Variants in FMN1 observed in about 807,000 individuals in gnomAD.
FMN1 encodes formin 1.
Under a neutral mutation model 132.4 loss-of-function variants are expected in FMN1, and 110 were observed. That is an observed-to-expected ratio of 0.83 (90% CI 0.71 to 0.97). FMN1 has a LOEUF of 0.97. FMN1 is among the 50% of genes least tolerant of loss of function. FMN1 has a pLI of 0.00. For synonymous variants in FMN1, 722 were observed against 651.7 expected, an observed-to-expected ratio of 1.11 and a Z score of -1.64; for missense variants, 1,792 against 1,705.3, an observed-to-expected ratio of 1.05 and a Z score of -0.90.
intron 4 of FMN1, among the ~76,000 whole-genome samples, chr15:33,118,962 A>G (rs370665207): frequency 2.0e-5 from 3 of 152,174 alleles, no homozygotes; most frequent in Non-Finnish European, 4.4e-5. Context: ...TTTGTTCAAC[A>G]TAATTGAATG....
intron 4 of FMN1, among the ~76,000 whole-genome samples, chr15:33,100,223 TAAAAA>T (rs61200336): frequency 4.3e-5 from 5 of 115,440 alleles, no homozygotes; most frequent in East Asian, 4.8e-4. Flanking sequence ...ACTTTCACAG[TAAAAA>T]AAAAAAAAAA....
At chr15:32,891,176 G>A (rs1403106741) in intron 15 of FMN1, among the ~76,000 whole-genome samples, 1 of 152,232 alleles carries the variant, frequency 6.6e-6, no homozygotes. Context: ...CAGGTAGTGT[G>A]ATGCCTCCAA....
Position 32,910,402 on chromosome 15 carries a change from TGAACAGCTCA to T in FMN1, c.3288+62_3288+71del, listed in dbSNP as rs1464530841. The T allele has an allele frequency of 2.4e-6, 3 of 1,254,100 alleles. No individual in the cohort carries two copies. In the East Asian group the frequency reaches 7.6e-5, roughly 32 times the overall value. The allele number at this position is 1,254,100 out of a possible 1,614,324, so 77.7% of individuals were successfully genotyped here. The stretch of plus-strand genomic sequence containing the variant: ...TCAAAACCCTTACTACCAAAGAACA[TGAACAGCTCA>T]GTCATTTCTCAGGTAGAAGATAAAT... On this transcript the variant is annotated intron_variant, in intron 11 of 20. Coordinates refer to ENST00000616417, the MANE Select transcript of FMN1 (RefSeq NM_001277313.2).
At position 32,990,340 on chromosome 15, in the gene FMN1, G is replaced by A. The variant is rs192136429; in HGVS notation, c.2223+17674C>T. ...GAAGAAGAAAAAAACTGCAGAATTC[G>A]CTGTCCCAGATGTTGAGGGAGGAGT... On this transcript the variant is annotated intron_variant, in intron 7 of 20. Coordinates refer to ENST00000616417, the MANE Select transcript of FMN1 (RefSeq NM_001277313.2). Among the ~76,000 whole-genome samples, 11 of 152,246 alleles carry A rather than the reference G, an allele frequency of 7.2e-5. 1 individual carries two copies. Among genetic ancestry groups the A allele is most frequent in the South Asian group, 2.1e-4 (1 of 4,822 alleles).
chr15:33,155,693 C>T (rs1324054644), intron 3 of FMN1, among the ~76,000 whole-genome samples: 2 of 151,908 alleles, frequency 1.3e-5, no homozygotes, highest in Non-Finnish European at 2.9e-5. Flanking sequence ...GTTGTATTGC[C>T]TTCTTTTTTC....
intron 7 of FMN1, among the ~76,000 whole-genome samples, chr15:32,991,798 T>C (rs2033451263): frequency 6.6e-6 from 1 of 152,172 alleles, no homozygotes; most frequent in African/African-American, 2.4e-5. Context: ...GTGGAGGCAG[T>C]GGCCCTTTGA....
chr15:33,015,164 G>A (rs917043702), intron 6 of FMN1, among the ~76,000 whole-genome samples: 4 of 152,180 alleles, frequency 2.6e-5, no homozygotes, highest in African/African-American at 9.6e-5. Context: ...CCTTGTTTTC[G>A]TTCTTGCCGT....
chr15:33,073,440 AAAGTT>A (rs2038075550), intron 5 of FMN1, among the ~76,000 whole-genome samples: 1 of 152,318 alleles, frequency 6.6e-6, no homozygotes, highest in African/African-American at 2.4e-5. Flanking sequence ...CAGGTGAAAA[AAAGTT>A]AAGAGCAATG....
chr15:32,812,878 C>T (rs1282942723), intron 17 of FMN1, among the ~76,000 whole-genome samples: 2 of 152,118 alleles, frequency 1.3e-5, no homozygotes, highest in Non-Finnish European at 2.9e-5. Context: ...TCTCTGGTGA[C>T]TGTAATAATA....
intron 17 of FMN1, among the ~76,000 whole-genome samples, chr15:32,805,687 A>G (rs2057654760): frequency 6.6e-6 from 1 of 152,240 alleles, no homozygotes; most frequent in Non-Finnish European, 1.5e-5. Flanking sequence ...AATCTTGGGT[A>G]GATCACGACA....
intron 5 of FMN1, chr15:33,066,421 G>T: frequency 9.3e-7 from 1 of 1,074,312 alleles, no homozygotes; most frequent in South Asian, 1.7e-5. Context: ...ATCACTAACA[G>T]GCAACTAGGA....
intron 17 of FMN1, among the ~76,000 whole-genome samples, chr15:32,827,264 C>CA (rs1243601654): frequency 6.6e-6 from 1 of 152,162 alleles, no homozygotes; most frequent in South Asian, 2.1e-4. Flanking sequence ...TTATGAGCAA[C>CA]AAAATGATTG....
At position 33,037,393 on chromosome 15, in the gene FMN1, A is replaced by G. The variant is rs78936472; in HGVS notation, c.2161+27564T>C. ...GTGAGAGATTTGGGGAAGGAATACA[A>G]AATTTTGTCGGAGAGCCTGTATAGA... On this transcript the variant is annotated intron_variant, in intron 6 of 20. Coordinates refer to ENST00000616417, the MANE Select transcript of FMN1 (RefSeq NM_001277313.2). 7.2e-3 allele frequency among the ~76,000 whole-genome samples: 1,095 copies of G among 152,240 alleles called. 64 individuals are homozygous for G. In the East Asian group the frequency reaches 0.16, roughly 22 times the overall value.
chr15:32,898,823 C>G lies in FMN1; in HGVS notation c.3714+11G>C. 1 of 1,567,362 alleles carries G rather than the reference C, an allele frequency of 6.4e-7. No individual in the cohort carries two copies. Among genetic ancestry groups the G allele is most frequent in the Non-Finnish European group, 8.8e-7 (1 of 1,140,272 alleles). On this transcript the variant is annotated intron_variant, in intron 15 of 20. Coordinates refer to ENST00000616417, the MANE Select transcript of FMN1 (RefSeq NM_001277313.2). Reference sequence around the variant, plus strand: ...AGAGGTGAAACTTTTCCACGTAATACCATTTCTTACCTGATCATAGTAACG... The same window carrying G: ...AGAGGTGAAACTTTTCCACGTAATAGCATTTCTTACCTGATCATAGTAACG...
chr15:32,887,374 T>C (rs1462577309), intron 16 of FMN1, among the ~76,000 whole-genome samples: 1 of 152,150 alleles, frequency 6.6e-6, no homozygotes, highest in African/African-American at 2.4e-5. Flanking sequence ...AGGCAAGTAT[T>C]TATATTCTTG....
chr15:33,047,367 A>G (rs2036736510), intron 6 of FMN1, among the ~76,000 whole-genome samples: 1 of 152,196 alleles, frequency 6.6e-6, no homozygotes, highest in Non-Finnish European at 1.5e-5. Flanking sequence ...CTTTTGGCAA[A>G]GTTTAAAAGC....
chr15:32,968,852 C>A lies in FMN1; in HGVS notation c.2849G>T (p.Gly950Val). 1 of 1,437,722 alleles carries A rather than the reference C, an allele frequency of 7.0e-7. No homozygotes were observed. The allele number at this position is 1,437,722 out of a possible 1,614,324, so 89.1% of individuals were successfully genotyped here. A position where few individuals can be genotyped will look rare whatever the true frequency, so the allele number is the denominator to read the frequency against. The change falls in exon 8 of 21, where the codon GGA (glycine) becomes GTA (valine). Residue 950 changes from glycine (G) to valine (V), a missense_variant. This residue lies in a region of FMN1 where 1,150 missense variants were observed against 1,043.1 expected (regional missense o/e 1.10). Transcript: ENST00000616417. ...GGPPPAPPPP[G>V]LAPPPPPGLF... ...TCCAGGGGGAGGTGGGGGTGCAAGT[C>A]CTGGGGGTGGTGGAGCAGGAGGAGG...
chr15:33,155,502 C>G (rs966529623), intron 3 of FMN1, among the ~76,000 whole-genome samples: 5 of 152,178 alleles, frequency 3.3e-5, no homozygotes, highest in African/African-American at 4.8e-5. Flanking sequence ...TTTTTACCCT[C>G]TAAAAACCAC....
intron 17 of FMN1, among the ~76,000 whole-genome samples, chr15:32,846,584 A>T (rs1377351005): frequency 1.3e-5 from 2 of 152,244 alleles, no homozygotes; most frequent in African/African-American, 4.8e-5. Context: ...GGCTGCAGAG[A>T]AACAGGAATG....
Sources: gnomAD v4.1 joint callset for allele counts (sites outside exome capture counted in the v4.1 genomes callset) on GRCh38, gnomAD v4.1.1 for gene constraint, gnomAD v4.1.1 regional missense constraint, MANE v1.5 for transcripts, NCBI Gene and HGNC (gene_info 2026-07-23, HGNC 2026-07-21) for gene names.